Variants in GNB4 observed in about 807,000 individuals in gnomAD.
GNB4 encodes the protein G protein subunit beta 4.
A neutral mutation model predicts 45.2 loss-of-function variants in GNB4; 28 were observed. That is an observed-to-expected ratio of 0.62 (90% CI 0.46 to 0.85). The LOEUF (loss-of-function observed/expected upper bound fraction) is 0.85. Ranked by LOEUF, GNB4 falls within the 40% of genes least tolerant of loss-of-function variation. The pLI, the probability that GNB4 is intolerant of heterozygous loss-of-function variation, is 0.00. For missense variants in GNB4, 321 were observed against 425.4 expected (o/e 0.75, Z 2.16); for synonymous variants, 132 against 143.7 (o/e 0.92, Z 0.58).
intron 1 of GNB4, among the ~76,000 whole-genome samples, chr3:179,446,297 C>T (rs1016678810): frequency 1.3e-5 from 2 of 152,120 alleles, no homozygotes; most frequent in African/African-American, 2.4e-5. Context: ...CACTTGTGTA[C>T]GTTAACCGAC....
intron 2 of GNB4, among the ~76,000 whole-genome samples, chr3:179,423,568 G>A (rs1428973655): frequency 6.6e-6 from 1 of 152,106 alleles, no homozygotes; most frequent in African/African-American, 2.4e-5. Flanking sequence ...TGGATCATGA[G>A]GTCAAGCGAT....
the GNB4 span, among the ~76,000 whole-genome samples, chr3:179,489,046 A>ATATATATT: frequency 0.044 from 1,686 of 38,506 alleles, 229 homozygotes; most frequent in East Asian, 0.06. Flanking sequence ...ATATATATAT[A>ATATATATT]ATATATATGT....
chr3:179,516,115 C>G, the GNB4 span, among the ~76,000 whole-genome samples: 1 of 152,152 alleles, frequency 6.6e-6, no homozygotes, highest in South Asian at 2.1e-4. Context: ...AGTTTTTGGG[C>G]TCTATTCTTG....
chr3:179,519,825 C>T, the GNB4 span, among the ~76,000 whole-genome samples: 47,734 of 151,950 alleles, frequency 0.31, 8,836 homozygotes, highest in Middle Eastern at 0.51. Flanking sequence ...ATCTAATCAC[C>T]CTTACCCTGC....
At chr3:179,522,261 C>T in the GNB4 span, among the ~76,000 whole-genome samples, 1 of 151,974 alleles carries the variant, frequency 6.6e-6, no homozygotes, top group African/African-American at 2.4e-5. Context: ...TCAAAAGCTC[C>T]CCCACTGAGC....
intron 8 of GNB4, among the ~76,000 whole-genome samples, chr3:179,408,228 GAA>G: frequency 1.3e-5 from 2 of 151,978 alleles, no homozygotes; most frequent in Middle Eastern, 3.4e-3. Context: ...GAAAAAAACA[GAA>G]AAAGTCACAG....
chr3:179,408,835 A>G (rs1714556834), intron 8 of GNB4, among the ~76,000 whole-genome samples: 1 of 150,792 alleles, frequency 6.6e-6, no homozygotes, highest in African/African-American at 2.4e-5. Flanking sequence ...AAAGAAACTC[A>G]TAGATCCAAA....
the GNB4 span, among the ~76,000 whole-genome samples, chr3:179,485,921 C>T: frequency 9.9e-5 from 15 of 151,590 alleles, no homozygotes; most frequent in Non-Finnish European, 2.1e-4. Context: ...GCCTGAGTGA[C>T]AGTGAGACTC....
In GNB4 at chr3:179,401,323, A is replaced by G; in HGVS notation, c.917-4T>C. 1 of 1,583,744 alleles carries G rather than the reference A, an allele frequency of 6.3e-7. No individual in the cohort carries two copies. ...TTGTCATGACCAGCAAGGACACCTGAAAAAAAAATTCAGTAAAAAATTGGC... is the reference window on the plus strand; with the variant it reads ...TTGTCATGACCAGCAAGGACACCTGGAAAAAAAATTCAGTAAAAAATTGGC... On this transcript the variant is annotated splice_polypyrimidine_tract_variant and splice_region_variant and intron_variant, in intron 9 of 9. Coordinates refer to ENST00000232564, the MANE Select transcript of GNB4 (RefSeq NM_021629.4).
At chr3:179,481,627 A>G in the GNB4 span, among the ~76,000 whole-genome samples, 8 of 152,206 alleles carry the variant, frequency 5.3e-5, no homozygotes, top group Non-Finnish European at 1.2e-4. Flanking sequence ...GGGGTGATCC[A>G]CTGTGCTGAG....
intron 4 of GNB4, among the ~76,000 whole-genome samples, chr3:179,417,933 CA>C (rs1353732831): frequency 6.6e-6 from 1 of 152,032 alleles, no homozygotes; most frequent in Non-Finnish European, 1.5e-5. Flanking sequence ...CAATTGGCAT[CA>C]TCAGCATAAG....
At chr3:179,498,973 G>A in the GNB4 span, among the ~76,000 whole-genome samples, 1 of 151,636 alleles carries the variant, frequency 6.6e-6, no homozygotes, top group Non-Finnish European at 1.5e-5. Flanking sequence ...GTTTCCATGG[G>A]TTCTCATTGT....
the GNB4 span, among the ~76,000 whole-genome samples, chr3:179,483,489 A>C: frequency 6.6e-6 from 1 of 152,152 alleles, no homozygotes; most frequent in Non-Finnish European, 1.5e-5. Context: ...CTGAGCCTCA[A>C]ATTTCACTCT....
chr3:179,494,179 T>C, the GNB4 span, among the ~76,000 whole-genome samples: 1 of 152,194 alleles, frequency 6.6e-6, no homozygotes, highest in African/African-American at 2.4e-5. Flanking sequence ...ACTATTTCTG[T>C]GTTCCCTTGT....
chr3:179,440,836 T>C (rs1715574652), intron 1 of GNB4, among the ~76,000 whole-genome samples: 1 of 151,896 alleles, frequency 6.6e-6, no homozygotes, highest in African/African-American at 2.4e-5. Context: ...TATGTTTCTA[T>C]TCTTTCGGTG....
chr3:179,405,317 C>CT lies in GNB4; in HGVS notation c.788_789insA (p.Tyr264ValfsTer4). The CT allele has an allele frequency of 3.1e-6, 5 of 1,614,040 alleles. No individual in the cohort carries two copies. The highest frequency in any genetic ancestry group is 4.2e-6 in the Non-Finnish European group (5 of 1,179,964). On this transcript the variant is annotated frameshift_variant, in exon 9 of 10. Coordinates refer to ENST00000232564, the MANE Select transcript of GNB4 (RefSeq NM_021629.4). LOFTEE classifies it high-confidence loss of function. ...CACAGATGATATTGTCATGAGAATACAATAATAACTCTTGATCTGCACGAA... is the reference window on the plus strand; with the variant it reads ...CACAGATGATATTGTCATGAGAATACTAATAATAACTCTTGATCTGCACGAA...
chr3:179,468,031 T>TTAAAAAAAAAA, the GNB4 span, among the ~76,000 whole-genome samples: 99 of 67,212 alleles, frequency 1.5e-3, 3 homozygotes, highest in African/African-American at 4.7e-3. Flanking sequence ...ATTTTGTTGA[T>TTAAAAAAAAAA]AAAAATATAT....
the GNB4 span, among the ~76,000 whole-genome samples, chr3:179,514,287 G>C: frequency 6.6e-6 from 1 of 152,174 alleles, no homozygotes; most frequent in East Asian, 1.9e-4. Flanking sequence ...AGGCATTCTA[G>C]AGTCAAGGAA....
At chr3:179,456,548 G>T in the GNB4 span, among the ~76,000 whole-genome samples, 1 of 151,960 alleles carries the variant, frequency 6.6e-6, no homozygotes, top group Non-Finnish European at 1.5e-5. Context: ...AATTTGTTTT[G>T]GCTTTGCTTT....
Sources: allele counts gnomAD v4.1 joint callset (sites outside exome capture counted in the v4.1 genomes callset), GRCh38; gene constraint gnomAD v4.1.1; transcripts MANE v1.5; gene names NCBI Gene and HGNC (gene_info 2026-07-23, HGNC 2026-07-21).